The following ADGRG6 variants were observed in gnomAD, a reference collection of about 807,000 sequenced individuals.
ADGRG6 encodes the protein adhesion G protein-coupled receptor G6.
In ADGRG6, 84 loss-of-function variants were observed where a neutral mutation model predicts 142.4. The observed-to-expected ratio is 0.59, with a 90% CI of 0.49 to 0.71. ADGRG6 has a LOEUF of 0.71. ADGRG6 is among the 30% of genes least tolerant of loss of function. The pLI is 0.00. For synonymous variants in ADGRG6, 521 were observed against 520.5 expected, an observed-to-expected ratio of 1.00 and a Z score of -0.01; for missense variants, 1,367 against 1,466.6, an observed-to-expected ratio of 0.93 and a Z score of 1.11.
At chr6:142,358,085 C>T (rs938564184) in intron 2 of ADGRG6, among the ~76,000 whole-genome samples, 2 of 152,214 alleles carry the variant, frequency 1.3e-5, no homozygotes, top group African/African-American at 4.8e-5. Flanking sequence ...TCATTGCCTT[C>T]ATGGGTATTA....
intron 4 of ADGRG6, among the ~76,000 whole-genome samples, chr6:142,376,294 TAC>T (rs1781495287): frequency 6.6e-6 from 1 of 152,202 alleles, no homozygotes; most frequent in Non-Finnish European, 1.5e-5. Context: ...TTTTACTGAT[TAC>T]TACTCTTTCC....
At chr6:142,354,249 C>T (rs893584330) in intron 2 of ADGRG6, among the ~76,000 whole-genome samples, 9 of 152,078 alleles carry the variant, frequency 5.9e-5, no homozygotes, top group Non-Finnish European at 8.8e-5. Context: ...CGTGGTGGCA[C>T]GCGCCTGTAA....
chr6:142,367,488 C>T (rs528273894), intron 2 of ADGRG6, 81 bp from the exon 3 acceptor site: 19 of 848,402 alleles, frequency 2.2e-5, no homozygotes, highest in Admixed American at 8.2e-5. Flanking sequence ...GCTTGATTGT[C>T]GCCAGTGTGT....
chr6:142,368,340 C>T (rs1385871435), intron 3 of ADGRG6, among the ~76,000 whole-genome samples: 1 of 152,140 alleles, frequency 6.6e-6, no homozygotes. Flanking sequence ...AAATTTTTAA[C>T]AAGCTATTAA....
intron 2 of ADGRG6, among the ~76,000 whole-genome samples, chr6:142,326,064 AT>A (rs1420436312): frequency 2.0e-5 from 3 of 152,112 alleles, no homozygotes; most frequent in African/African-American, 7.2e-5. Context: ...ATAATAAAAT[AT>A]TAATACTAAA....
At chr6:142,321,544 A>C (rs1443994625) in intron 2 of ADGRG6, among the ~76,000 whole-genome samples, 1 of 152,098 alleles carries the variant, frequency 6.6e-6, no homozygotes, top group African/African-American at 2.4e-5. Flanking sequence ...CTATGTATGC[A>C]AAAATAAGAA....
chr6:142,366,277 C>T (rs9385994), intron 2 of ADGRG6, among the ~76,000 whole-genome samples: 11,567 of 152,218 alleles, frequency 0.076, 580 homozygotes, highest in East Asian at 0.25. Context: ...GAACCTTATA[C>T]TGAGAACAAA....
At chr6:142,319,130 A>AG (rs1272535368) in intron 2 of ADGRG6, among the ~76,000 whole-genome samples, 1 of 152,118 alleles carries the variant, frequency 6.6e-6, no homozygotes, top group Non-Finnish European at 1.5e-5. Flanking sequence ...TGGCAGCCTT[A>AG]GTTTCCTCAT....
At chr6:142,334,422 A>G (rs1562318492) in intron 2 of ADGRG6, among the ~76,000 whole-genome samples, 6 of 152,210 alleles carry the variant, frequency 3.9e-5, no homozygotes, top group Admixed American at 2.6e-4. Flanking sequence ...GCAAACATTA[A>G]CAGATTATAG....
intron 17 of ADGRG6, among the ~76,000 whole-genome samples, chr6:142,410,306 A>C (rs865918774): frequency 1.3e-5 from 2 of 152,146 alleles, no homozygotes; most frequent in Non-Finnish European, 1.5e-5. Context: ...AGACAATTTA[A>C]AATCCAGCTT....
chr6:142,391,636 A>C (rs1370985031), intron 7 of ADGRG6, among the ~76,000 whole-genome samples: 1 of 151,886 alleles, frequency 6.6e-6, no homozygotes, highest in Non-Finnish European at 1.5e-5. Flanking sequence ...CTGAAATAAA[A>C]GAAAAATACT....
At chr6:142,376,686 A>C (rs532745311) in intron 4 of ADGRG6, among the ~76,000 whole-genome samples, 190 of 152,304 alleles carry the variant, frequency 1.2e-3, no homozygotes, top group Admixed American at 2.2e-3. Context: ...AATTAAGATA[A>C]ATCATTTTAT....
chr6:142,374,823 C>T (rs1010890494), intron 4 of ADGRG6, among the ~76,000 whole-genome samples: 2 of 152,060 alleles, frequency 1.3e-5, no homozygotes, highest in African/African-American at 4.8e-5. Flanking sequence ...TTATGGTATA[C>T]AACATGTTTT....
At chr6:142,367,986 CAG>C (rs774136698) in intron 3 of ADGRG6, 76 bp downstream of exon 3, 81 of 766,598 alleles carry the variant, frequency 1.1e-4, no homozygotes, top group Non-Finnish European at 1.6e-4. Context: ...GACCAGAAGA[CAG>C]AGTTATGCTC....
At chr6:142,428,501 CTA>C (rs1323200277) in intron 22 of ADGRG6, among the ~76,000 whole-genome samples, 1 of 152,068 alleles carries the variant, frequency 6.6e-6, no homozygotes, top group Non-Finnish European at 1.5e-5. Flanking sequence ...TTTCACACTG[CTA>C]TATAGAACTT....
intron 21 of ADGRG6, among the ~76,000 whole-genome samples, chr6:142,418,043 C>A (rs1340030487): frequency 6.6e-6 from 1 of 152,022 alleles, no homozygotes; most frequent in Non-Finnish European, 1.5e-5. Context: ...ACCTATAATC[C>A]CAGCACTTTA....
intron 22 of ADGRG6, among the ~76,000 whole-genome samples, chr6:142,426,931 A>G (rs1776975169): frequency 6.6e-6 from 1 of 152,164 alleles, no homozygotes; most frequent in African/African-American, 2.4e-5. Context: ...CAGGTCACCA[A>G]GTCCCTAGAC....
At chr6:142,393,087 A>C in intron 8 of ADGRG6, 87 bp downstream of exon 8, 2 of 713,056 alleles carry the variant, frequency 2.8e-6, no homozygotes, top group South Asian at 1.7e-5. Context: ...CAAAATATAC[A>C]TACAAATACA....
At chr6:142,316,435 T>G (rs1778073044) in intron 2 of ADGRG6, among the ~76,000 whole-genome samples, 1 of 152,292 alleles carries the variant, frequency 6.6e-6, no homozygotes, top group South Asian at 2.1e-4. Flanking sequence ...TCATAATTTT[T>G]GCAAACAGAA....
Sources: gnomAD v4.1 joint callset for allele counts (sites outside exome capture counted in the v4.1 genomes callset) on GRCh38, gnomAD v4.1.1 for gene constraint, MANE v1.5 for transcripts, NCBI Gene and HGNC (gene_info 2026-07-23, HGNC 2026-07-21) for gene names.